ABL2: variants seen among roughly 807,000 people sequenced by gnomAD.
The protein encoded by ABL2 is ABL proto-oncogene 2, non-receptor tyrosine kinase, also known as tyrosine-protein kinase ABL2.
A neutral mutation model predicts 107.7 loss-of-function variants in ABL2; 49 were observed. The ratio of observed to expected loss-of-function variants is 0.45; its 90% confidence interval spans 0.36 to 0.58. ABL2 has a LOEUF of 0.58. ABL2 is among the 20% of genes least tolerant of loss of function. The pLI is 0.00. For synonymous variants in ABL2, 549 were observed against 548.6 expected, an observed-to-expected ratio of 1.00 and a Z score of -0.01; for missense variants, 1,245 against 1,457.0, an observed-to-expected ratio of 0.85 and a Z score of 2.37.
At chr1:179,222,080 G>A (rs1190746726) in intron 1 of ABL2, 3 of 189,450 alleles carry the variant, frequency 1.6e-5, no homozygotes. Context: ...CCAAGGAGAT[G>A]ATCACTTTTT....
At chr1:179,223,771 G>T (rs1180577142) in intron 1 of ABL2, among the ~76,000 whole-genome samples, 1 of 151,948 alleles carries the variant, frequency 6.6e-6, no homozygotes, top group Non-Finnish European at 1.5e-5. Context: ...CAGCCTTCCT[G>T]TGCTTTCCAT....
chr1:179,209,566 C>T (rs984431085), intron 1 of ABL2, among the ~76,000 whole-genome samples: 20 of 152,184 alleles, frequency 1.3e-4, no homozygotes, highest in Admixed American at 2.0e-4. Flanking sequence ...ACATCTACTG[C>T]TAAGCTATGG....
In ABL2 at chr1:179,101,194, A is replaced by C. The variant is rs190849269; in HGVS notation, c.*6524T>G. On this transcript the variant is annotated 3_prime_UTR_variant, in exon 12 of 12. Transcript: ENST00000502732. ...CATGAAACCCATCTTTGAAGGCACA[A>C]ATCTCCAAGGGTGGCCTCTCAGCAG... 392 of 227,370 alleles carry C rather than the reference A, an allele frequency of 1.7e-3. No individual in the cohort carries two copies. The highest frequency in any genetic ancestry group is 2.8e-3 in the Non-Finnish European group (318 of 114,430). The allele number at this position is 227,370 out of a possible 1,614,324, so 14.1% of individuals were successfully genotyped here. A position where few individuals can be genotyped will look rare whatever the true frequency, so the allele number is the denominator to read the frequency against.
intron 1 of ABL2, 138 bp downstream of exon 1, chr1:179,229,103 G>A (rs1663392433): frequency 2.7e-6 from 3 of 1,124,858 alleles, no homozygotes; most frequent in Non-Finnish European, 3.7e-6. Flanking sequence ...GACTGGACCA[G>A]ATGGCAGCGG....
chr1:179,214,910 A>C (rs956219684), intron 1 of ABL2, among the ~76,000 whole-genome samples: 10 of 152,210 alleles, frequency 6.6e-5, no homozygotes, highest in Non-Finnish European at 1.0e-4. Context: ...CTGTAATCCC[A>C]GCACTTGGAG....
At chr1:179,143,887 G>A (rs767754734) in intron 1 of ABL2, among the ~76,000 whole-genome samples, 3 of 151,830 alleles carry the variant, frequency 2.0e-5, no homozygotes, top group Non-Finnish European at 2.9e-5. Context: ...TAGAAGAGAC[G>A]GGGTTTCACT....
chr1:179,187,867 C>T (rs1408882761), intron 1 of ABL2, among the ~76,000 whole-genome samples: 2 of 152,168 alleles, frequency 1.3e-5, no homozygotes, highest in African/African-American at 4.8e-5. Flanking sequence ...GTCCACAAAT[C>T]AGCTAGACTG....
chr1:179,228,985 G>A (rs1022950329), intron 1 of ABL2, among the ~76,000 whole-genome samples: 2 of 152,138 alleles, frequency 1.3e-5, no homozygotes, highest in Non-Finnish European at 2.9e-5. Context: ...CAGAGTAGAG[G>A]ACAGACCATC....
intron 1 of ABL2, among the ~76,000 whole-genome samples, chr1:179,226,615 CCT>C (rs1297017420): frequency 6.6e-6 from 1 of 152,098 alleles, no homozygotes; most frequent in Non-Finnish European, 1.5e-5. Flanking sequence ...CCGAATTACT[CCT>C]GTTTTTAATA....
intron 1 of ABL2, among the ~76,000 whole-genome samples, chr1:179,212,514 C>T (rs948110351): frequency 5.3e-5 from 8 of 152,142 alleles, no homozygotes; most frequent in African/African-American, 1.7e-4. Flanking sequence ...AGGTGGATCA[C>T]CTGAGGTCGG....
intron 1 of ABL2, among the ~76,000 whole-genome samples, chr1:179,207,479 T>A (rs1262819453): frequency 6.6e-6 from 1 of 152,190 alleles, no homozygotes; most frequent in Non-Finnish European, 1.5e-5. Context: ...AAAATTTATT[T>A]ACAATTGTCT....
At chr1:179,136,563 C>G (rs1304913608) in intron 1 of ABL2, among the ~76,000 whole-genome samples, 1 of 148,078 alleles carries the variant, frequency 6.8e-6, no homozygotes, top group Non-Finnish European at 1.5e-5. Context: ...CCCAGGGACA[C>G]AAACACTGCG....
chr1:179,193,195 T>C (rs1661114990), intron 1 of ABL2, among the ~76,000 whole-genome samples: 1 of 152,006 alleles, frequency 6.6e-6, no homozygotes, highest in South Asian at 2.1e-4. Flanking sequence ...AAAAATATAA[T>C]AATCTGTTTT....
chr1:179,198,961 C>T (rs1202767408), intron 1 of ABL2, among the ~76,000 whole-genome samples: 1 of 151,576 alleles, frequency 6.6e-6, no homozygotes, highest in African/African-American at 2.4e-5. Flanking sequence ...CCTGCCTCAG[C>T]CCCCCTAGTA....
In ABL2 at chr1:179,105,102, T is replaced by C; in HGVS notation, c.*2616A>G. 4.3e-6 allele frequency: 1 copy of C among 230,592 alleles called. No homozygotes were observed. 14.3% of individuals were successfully genotyped at this position (230,592 alleles called of 1,614,324 possible). On this transcript the variant is annotated 3_prime_UTR_variant, in exon 12 of 12. Transcript: ENST00000502732. ...TATGCTCCAATAGTCAATGCCACTC[T>C]TGACAGTGTTGACAAAAATCAATTC...
chr1:179,110,384 G>T lies in ABL2; in HGVS notation c.1723C>A (p.Leu575Ile). ...TTCAGTGTCCGAGTCTTGGAAGGAA[G>T]TATAGGTAGCCGGGGCAGGTATGGA... Reference protein sequence around the residue: ...VVPYLPRLPILPSKTRTLKKQ... With the variant: ...VVPYLPRLPIIPSKTRTLKKQ... Residue 575 changes from leucine to isoleucine, a missense_variant, in exon 11 of 12, where the codon CTT becomes ATT. Physicochemically the swap from Leu to Ile is conservative, Grantham distance 5. Around this residue, in one of 3 missense-constraint regions of ABL2, gnomAD observed 761 missense variants for 766.4 expected, o/e 0.99. Transcript: ENST00000502732. The T allele has an allele frequency of 6.2e-7, 1 of 1,614,234 alleles. No homozygotes were observed. The highest frequency in any genetic ancestry group is 1.1e-5 in the South Asian group (1 of 91,084).
intron 1 of ABL2, among the ~76,000 whole-genome samples, chr1:179,228,459 G>A (rs1282265884): frequency 6.6e-6 from 1 of 152,064 alleles, no homozygotes; most frequent in Non-Finnish European, 1.5e-5. Flanking sequence ...CAGACTACAG[G>A]GAGCATACAT....
In ABL2 at chr1:179,126,051, C is replaced by G. The variant is rs1219553285; in HGVS notation, c.687+326G>C. ...CTAATTTTCAATGATACAATGTTAACTGATAAACTCTATACCAGTGCACTG... is the reference window on the plus strand; with the variant it reads ...CTAATTTTCAATGATACAATGTTAAGTGATAAACTCTATACCAGTGCACTG... On this transcript the variant is annotated intron_variant, in intron 4 of 11. Transcript: ENST00000502732. This position sits in a 1 kb window ranked among gnomAD's most constrained non-coding sequence, Gnocchi z 4.4. Among the ~76,000 whole-genome samples, 1 of 152,214 alleles carries G rather than the reference C, an allele frequency of 6.6e-6. No homozygotes were observed. Among genetic ancestry groups the G allele is most frequent in the African/African-American group, 2.4e-5 (1 of 41,456 alleles).
chr1:179,193,446 C>T (rs1661130777), intron 1 of ABL2, among the ~76,000 whole-genome samples: 1 of 151,896 alleles, frequency 6.6e-6, no homozygotes, highest in Admixed American at 6.6e-5. Context: ...TTCTGTCACT[C>T]AGGCTGGAGT....
Sources: gnomAD v4.1 joint callset for allele counts (sites outside exome capture counted in the v4.1 genomes callset) on GRCh38, gnomAD v4.1.1 for gene constraint, gnomAD v4.1.1 regional missense constraint, Gnocchi (gnomAD v3.1) non-coding constraint, MANE v1.5 for transcripts, NCBI Gene and HGNC (gene_info 2026-07-23, HGNC 2026-07-21) for gene names.